NEK5: variants seen among roughly 807,000 people sequenced by gnomAD.
NEK5 encodes the protein NIMA related kinase 5.
Under a neutral mutation model 109.2 loss-of-function variants are expected in NEK5, and 88 were observed. That is an observed-to-expected ratio of 0.81 (90% CI 0.68 to 0.96). The LOEUF (loss-of-function observed/expected upper bound fraction) is 0.96. NEK5 is among the 40% of genes least tolerant of loss of function. The probability of loss-of-function intolerance (pLI) is 0.00; values close to 1 mark genes in which losing one functional copy is unlikely to be tolerated. For missense variants in NEK5, 834 were observed against 920.7 expected, an observed-to-expected ratio of 0.91 and a Z score of 1.22; for synonymous variants, 283 against 299.9, an observed-to-expected ratio of 0.94 and a Z score of 0.58.
intron 3 of NEK5, among the ~76,000 whole-genome samples, chr13:52,122,842 T>C (rs959701103): frequency 5.3e-5 from 8 of 152,200 alleles, no homozygotes; most frequent in Non-Finnish European, 1.2e-4. Flanking sequence ...AAAAATAGTC[T>C]AGAGAGAAAT....
chr13:52,046,012 A>G (rs1345308009), intron 23 of NEK5, among the ~76,000 whole-genome samples: 1 of 149,560 alleles, frequency 6.7e-6, no homozygotes, highest in Non-Finnish European at 1.5e-5. Context: ...TGGAGGTTGC[A>G]GTGAGCCAAG....
intron 22 of NEK5, among the ~76,000 whole-genome samples, chr13:52,060,125 T>A (rs1954598929): frequency 6.6e-6 from 1 of 152,130 alleles, no homozygotes; most frequent in African/African-American, 2.4e-5. Flanking sequence ...TAACATATAA[T>A]GCTAAGATAT....
intron 23 of NEK5, among the ~76,000 whole-genome samples, chr13:52,041,998 A>C (rs942661947): frequency 6.6e-6 from 1 of 152,028 alleles, no homozygotes; most frequent in Admixed American, 6.6e-5. Flanking sequence ...AAACATAAGA[A>C]TGTAAGGAAT....
intron 14 of NEK5, among the ~76,000 whole-genome samples, chr13:52,088,083 A>G (rs1307131811): frequency 1.3e-5 from 2 of 151,506 alleles, no homozygotes; most frequent in African/African-American, 2.4e-5. Flanking sequence ...ACACACCACA[A>G]CACCTGGGTA....
At chr13:52,039,739 G>A (rs1043942178) in intron 23 of NEK5, among the ~76,000 whole-genome samples, 1 of 151,864 alleles carries the variant, frequency 6.6e-6, no homozygotes, top group Non-Finnish European at 1.5e-5. Context: ...CACCTATTCT[G>A]TTTTTTAAAC....
chr13:52,074,788 C>A (rs1954838077), intron 19 of NEK5, among the ~76,000 whole-genome samples: 1 of 151,846 alleles, frequency 6.6e-6, no homozygotes, highest in Non-Finnish European at 1.5e-5. Flanking sequence ...CAAGAAAAAA[C>A]AACCCAAATT....
chr13:52,071,799 TA>T, intron 20 of NEK5, 144 bp downstream of exon 20: 1 of 690,096 alleles, frequency 1.4e-6, no homozygotes, highest in Non-Finnish European at 2.5e-6. Flanking sequence ...GGCAGGAGAA[TA>T]ATAAGTGTGT....
intron 9 of NEK5, among the ~76,000 whole-genome samples, chr13:52,102,631 T>C (rs1174977262): frequency 1.3e-5 from 2 of 152,198 alleles, no homozygotes; most frequent in Non-Finnish European, 2.9e-5. Flanking sequence ...CGGTCAAAGC[T>C]GCAGTAAGCC....
At chr13:52,063,418 C>T (rs910074917) in intron 21 of NEK5, among the ~76,000 whole-genome samples, 18 of 152,280 alleles carry the variant, frequency 1.2e-4, no homozygotes, top group African/African-American at 3.6e-4. Flanking sequence ...GATCGCGGCT[C>T]GCTACAACCT....
At chr13:52,071,476 T>C (rs1414454855) in intron 20 of NEK5, among the ~76,000 whole-genome samples, 1 of 152,246 alleles carries the variant, frequency 6.6e-6, no homozygotes, top group Non-Finnish European at 1.5e-5. Flanking sequence ...CGTATCTCTG[T>C]ACTTTAATAA....
intron 4 of NEK5, among the ~76,000 whole-genome samples, chr13:52,112,596 T>C (rs1955779335): frequency 1.3e-5 from 2 of 152,208 alleles, no homozygotes; most frequent in African/African-American, 4.8e-5. Context: ...TTAAATGAGT[T>C]AATCCATGTC....
At chr13:52,124,900 G>C (rs1956034801) in intron 3 of NEK5, among the ~76,000 whole-genome samples, 1 of 152,222 alleles carries the variant, frequency 6.6e-6, no homozygotes, top group Non-Finnish European at 1.5e-5. Flanking sequence ...AAGGATCCAA[G>C]TGACCCAGGG....
chr13:52,037,157 C>T lies in NEK5; in HGVS notation c.2290G>A (p.Ala764Thr), dbSNP rs927645144. 4 of 985,062 alleles carry T rather than the reference C, an allele frequency of 4.1e-6. No individual in the cohort carries two copies. The highest frequency in any genetic ancestry group is 3.5e-5 in the African/African-American group (2 of 57,298). The allele number at this position is 985,062 out of a possible 1,614,324, so 61.0% of individuals were successfully genotyped here. A position where few individuals can be genotyped will look rare whatever the true frequency, so the allele number is the denominator to read the frequency against. Residue 764 changes from alanine to threonine, a missense_variant, in exon 24 of 24, where the codon GCT becomes ACT. Ala to Thr is a moderately conservative substitution (Grantham distance 58). Around this residue, in one of 2 missense-constraint regions of NEK5, gnomAD observed 57 missense variants for 96.0 expected, o/e 0.59. Coordinates refer to ENST00000684899, the MANE Select transcript of NEK5 (RefSeq NM_001365552.1). The part of the protein sequence containing the change: ...DEVVEYLEKL[A>T]TFKGEEKTEE... ...GTTTTTTCTTCCCCTTTGAAAGTAGCGAGTTTTTCTAAGTATTCTACTACT... is the reference window on the plus strand; with the variant it reads ...GTTTTTTCTTCCCCTTTGAAAGTAGTGAGTTTTTCTAAGTATTCTACTACT...
chr13:52,112,433 G>T, intron 4 of NEK5, 68 bp from the exon 5 acceptor site: 8 of 998,990 alleles, frequency 8.0e-6, no homozygotes, highest in Non-Finnish European at 1.3e-5. Context: ...TCTGGCTGTG[G>T]AATCAAGATG....
At chr13:52,101,739 T>G (rs1955536524) in intron 11 of NEK5, among the ~76,000 whole-genome samples, 194 bp downstream of exon 11, 2 of 152,186 alleles carry the variant, frequency 1.3e-5, no homozygotes, top group South Asian at 4.1e-4. Context: ...CTGCAGGTCA[T>G]GCATGAGCTA....
chr13:52,078,667 C>A (rs1345149837), intron 17 of NEK5, among the ~76,000 whole-genome samples: 2 of 151,802 alleles, frequency 1.3e-5, no homozygotes, highest in Non-Finnish European at 1.5e-5. Context: ...CAAGAGACTG[C>A]ACACCAGCCT....
intron 3 of NEK5, among the ~76,000 whole-genome samples, chr13:52,125,779 G>A (rs1271368364): frequency 6.6e-6 from 1 of 152,178 alleles, no homozygotes; most frequent in Non-Finnish European, 1.5e-5. Flanking sequence ...ACAGAGATAA[G>A]CCTGAGGGAG....
chr13:52,045,403 G>A (rs1400815108), intron 23 of NEK5, among the ~76,000 whole-genome samples: 1 of 149,922 alleles, frequency 6.7e-6, no homozygotes, highest in Non-Finnish European at 1.5e-5. Context: ...GTGCTGCCGC[G>A]CCCGGCCAGA....
At chr13:52,049,380 C>A (rs1030492004) in intron 23 of NEK5, among the ~76,000 whole-genome samples, 2 of 152,018 alleles carry the variant, frequency 1.3e-5, no homozygotes, top group Non-Finnish European at 2.9e-5. Context: ...GCTGTGATTG[C>A]GCCTCCACAC....
Sources: gnomAD v4.1 joint callset for allele counts (sites outside exome capture counted in the v4.1 genomes callset) on GRCh38, gnomAD v4.1.1 for gene constraint, gnomAD v4.1.1 regional missense constraint, MANE v1.5 for transcripts, NCBI Gene and HGNC (gene_info 2026-07-23, HGNC 2026-07-21) for gene names.